BNC2: variants seen among roughly 807,000 people sequenced by gnomAD.
The protein encoded by BNC2 is basonuclin zinc finger protein 2.
A neutral mutation model predicts 76.3 loss-of-function variants in BNC2; 20 were observed. The observed-to-expected ratio is 0.26, with a 90% CI of 0.18 to 0.38. BNC2 has a LOEUF of 0.38. Ranked by LOEUF, BNC2 falls within the 10% of genes least tolerant of loss-of-function variation. BNC2 has a pLI of 1.00. For missense variants in BNC2, 1,382 were observed against 1,399.8 expected, an observed-to-expected ratio of 0.99 and a Z score of 0.20; for synonymous variants, 582 against 514.8, an observed-to-expected ratio of 1.13 and a Z score of -1.77.
At chr9:16,524,841 A>G (rs2132125735) in intron 5 of BNC2, among the ~76,000 whole-genome samples, 1 of 152,316 alleles carries the variant, frequency 6.6e-6, no homozygotes. Context: ...TGGGAGGCCA[A>G]GGCAGGAAGA....
chr9:16,655,904 C>G (rs1821915409), intron 3 of BNC2, among the ~76,000 whole-genome samples: 1 of 152,188 alleles, frequency 6.6e-6, no homozygotes, highest in South Asian at 2.1e-4. Context: ...CTAGAAGCCA[C>G]AGATGTACTG....
intron 5 of BNC2, among the ~76,000 whole-genome samples, chr9:16,545,066 A>G (rs949329322): frequency 6.6e-6 from 1 of 152,210 alleles, no homozygotes; most frequent in Non-Finnish European, 1.5e-5. Context: ...TCTGAAGTAC[A>G]AAGTCTTTGT....
chr9:16,595,853 C>G (rs749839871), intron 3 of BNC2, among the ~76,000 whole-genome samples: 1 of 151,936 alleles, frequency 6.6e-6, no homozygotes, highest in Non-Finnish European at 1.5e-5. Flanking sequence ...GAACTTTGAG[C>G]TAACTCTTGA....
At chr9:16,633,593 C>T (rs1470967792) in intron 3 of BNC2, among the ~76,000 whole-genome samples, 2 of 152,172 alleles carry the variant, frequency 1.3e-5, no homozygotes, top group Admixed American at 6.5e-5. Context: ...TTGTTTTCAA[C>T]TAAAACCATT....
intron 1 of BNC2, among the ~76,000 whole-genome samples, chr9:16,824,786 A>G (rs139982906): frequency 3.3e-5 from 5 of 152,208 alleles, no homozygotes; most frequent in African/African-American, 1.2e-4. Flanking sequence ...ACTTGTCTAT[A>G]AACAGCAGAG....
chr9:16,526,300 C>T (rs893306685), intron 5 of BNC2, among the ~76,000 whole-genome samples: 1 of 152,050 alleles, frequency 6.6e-6, no homozygotes, highest in African/African-American at 2.4e-5. Context: ...TAACTCCTTA[C>T]ACCCAGTGAG....
chr9:16,727,454 A>G, intron 3 of BNC2: 1 of 262,410 alleles, frequency 3.8e-6, no homozygotes, highest in Non-Finnish European at 7.3e-6. Context: ...ATATTGATAG[A>G]TACATTTGTT....
intron 3 of BNC2, among the ~76,000 whole-genome samples, chr9:16,720,121 A>G (rs1450889724): frequency 1.3e-5 from 2 of 152,230 alleles, no homozygotes; most frequent in Non-Finnish European, 2.9e-5. Flanking sequence ...CCTTACTCAA[A>G]GAACCCTTCT....
At chr9:16,656,657 G>C (rs1821939321) in intron 3 of BNC2, among the ~76,000 whole-genome samples, 1 of 152,122 alleles carries the variant, frequency 6.6e-6, no homozygotes, top group African/African-American at 2.4e-5. Flanking sequence ...TGGACCTTTA[G>C]GGTTTTATTT....
chr9:16,516,297 G>A (rs189506770), intron 5 of BNC2, among the ~76,000 whole-genome samples: 270 of 150,398 alleles, frequency 1.8e-3, no homozygotes, highest in African/African-American at 6.2e-3. Flanking sequence ...TTGTGATGCC[G>A]CCTCAGGTAT....
chr9:16,791,237 ATT>A (rs1817502897), intron 1 of BNC2, among the ~76,000 whole-genome samples: 1 of 151,848 alleles, frequency 6.6e-6, no homozygotes, highest in African/African-American at 2.4e-5. Context: ...AATTTTTTGT[ATT>A]TTTAGTAGAG....
Position 16,435,730 on chromosome 9 carries a change from G to C in BNC2, c.2464C>G (p.Pro822Ala). The change falls in exon 6 of 7, where the codon CCA becomes GCA. Residue 822 changes from proline to alanine, a missense_variant. Physicochemically the swap from Pro to Ala is conservative, Grantham distance 27. Coordinates refer to ENST00000380672, the MANE Select transcript of BNC2 (RefSeq NM_017637.6). Reference sequence around the variant, plus strand: ...GGGCTAGAACATAGGTCACCTTCTGGGGAGAACTTTTGAGGGCTGCCATAA... The same window carrying C: ...GGGCTAGAACATAGGTCACCTTCTGCGGAGAACTTTTGAGGGCTGCCATAA... ...LNYGSPQKFSPEGDLCSSPDP... is the reference protein window; with the variant it reads ...LNYGSPQKFSAEGDLCSSPDP... 1 of 1,614,030 alleles carries C rather than the reference G, an allele frequency of 6.2e-7. No individual in the cohort carries two copies. The highest frequency in any genetic ancestry group is 1.3e-5 in the African/African-American group (1 of 74,996).
intron 6 of BNC2, among the ~76,000 whole-genome samples, chr9:16,434,076 A>G (rs748860946): frequency 6.6e-6 from 1 of 152,164 alleles, no homozygotes; most frequent in Non-Finnish European, 1.5e-5. Flanking sequence ...ACTATAAACC[A>G]TGTTTACAGA....
chr9:16,511,833 T>C (rs1210771623), intron 5 of BNC2, among the ~76,000 whole-genome samples: 1 of 152,152 alleles, frequency 6.6e-6, no homozygotes. Context: ...AGTAATACTA[T>C]TTCACCAAAA....
chr9:16,463,562 C>A (rs1291839952), intron 5 of BNC2, among the ~76,000 whole-genome samples: 1 of 143,698 alleles, frequency 7.0e-6, no homozygotes, highest in East Asian at 2.0e-4. Flanking sequence ...TCCCAAAGTG[C>A]TGGGACTACA....
intron 3 of BNC2, among the ~76,000 whole-genome samples, chr9:16,610,399 G>A (rs1015163185): frequency 2.0e-5 from 3 of 152,054 alleles, no homozygotes; most frequent in Admixed American, 6.6e-5. Context: ...GAAGGAATCC[G>A]AGGTTCCCAA....
intron 3 of BNC2, among the ~76,000 whole-genome samples, chr9:16,669,719 T>G (rs1822417954): frequency 6.6e-6 from 1 of 152,206 alleles, no homozygotes; most frequent in Non-Finnish European, 1.5e-5. Flanking sequence ...CTTCTCTAAC[T>G]GCTTAAATTA....
intron 5 of BNC2, among the ~76,000 whole-genome samples, chr9:16,468,960 C>G (rs1185663830): frequency 6.6e-6 from 1 of 152,104 alleles, no homozygotes; most frequent in Non-Finnish European, 1.5e-5. Flanking sequence ...CTCTTATATT[C>G]ACAGAAAACT....
At chr9:16,719,297 A>G (rs1824079248) in intron 3 of BNC2, among the ~76,000 whole-genome samples, 1 of 152,208 alleles carries the variant, frequency 6.6e-6, no homozygotes, top group Non-Finnish European at 1.5e-5. Context: ...AGCCACCCTA[A>G]TGATTTAAAT....
Sources: gnomAD v4.1 joint callset for allele counts (sites outside exome capture counted in the v4.1 genomes callset) on GRCh38, gnomAD v4.1.1 for gene constraint, MANE v1.5 for transcripts, NCBI Gene and HGNC (gene_info 2026-07-23, HGNC 2026-07-21) for gene names.